Variants in DCAF12 observed in about 807,000 individuals in gnomAD.
The protein encoded by DCAF12 is DDB1 and CUL4 associated factor 12, also known as DDB1- and CUL4-associated factor 12.
DCAF12 carries 28 observed loss-of-function variants against 52.8 expected under a neutral mutation model. The ratio of observed to expected loss-of-function variants is 0.53; its 90% CI spans 0.39 to 0.73. DCAF12 has a LOEUF of 0.73. Among genes scored for constraint, DCAF12 ranks in the 30% least tolerant of loss-of-function variants. DCAF12 has a pLI of 0.00. For missense variants in DCAF12, 425 were observed against 552.2 expected, an observed-to-expected ratio of 0.77 and a Z score of 2.31; for synonymous variants, 196 against 215.5, an observed-to-expected ratio of 0.91 and a Z score of 0.79.
intron 5 of DCAF12, among the ~76,000 whole-genome samples, chr9:34,097,033 C>T (rs1245883206): frequency 8.5e-5 from 13 of 152,050 alleles, no homozygotes; most frequent in Admixed American, 7.9e-4. Context: ...ACTCCCTCAA[C>T]GTCCTGTTGG....
intron 2 of DCAF12, among the ~76,000 whole-genome samples, chr9:34,116,901 C>T (rs961741493): frequency 6.6e-6 from 1 of 152,152 alleles, no homozygotes; most frequent in African/African-American, 2.4e-5. Flanking sequence ...ATCGCTTGAA[C>T]CCAAGAGGCG....
chr9:34,098,281 A>T, intron 5 of DCAF12, 43 bp downstream of exon 5: 1 of 1,586,008 alleles, frequency 6.3e-7, no homozygotes, highest in Non-Finnish European at 8.6e-7. Flanking sequence ...CCAAGACATA[A>T]GCAAGAGGAA....
chr9:34,100,847 A>C (rs1242106202), intron 4 of DCAF12, among the ~76,000 whole-genome samples: 1 of 151,196 alleles, frequency 6.6e-6, no homozygotes, highest in Non-Finnish European at 1.5e-5. Flanking sequence ...ATTTGTTGCC[A>C]AGGCTAGTCT....
chr9:34,125,161 T>C lies in DCAF12; in HGVS notation c.195A>G (p.Arg65=). The C allele has an allele frequency of 1.2e-6, 2 of 1,614,184 alleles. No individual in the cohort carries two copies. The highest frequency in any genetic ancestry group is 2.2e-5 in the East Asian group (1 of 44,890). The change falls in exon 2 of 9, where the codon CGA becomes CGG. Residue 65 remains arginine, a synonymous_variant. Transcript: ENST00000361264. Reference sequence around the variant, plus strand: ...GCTGTGCTGCATAACCATGCAACACTCGAGAGTAGCTGGTTTCATTCTGTA... The same window carrying C: ...GCTGTGCTGCATAACCATGCAACACCCGAGAGTAGCTGGTTTCATTCTGTA... ...VRLQNETSYS[R]VLHGYAAQQL...
chr9:34,123,981 T>C (rs548575617), intron 2 of DCAF12, among the ~76,000 whole-genome samples: 1 of 152,318 alleles, frequency 6.6e-6, no homozygotes, highest in Admixed American at 6.5e-5. Context: ...ACCATGGTAT[T>C]ATTTCCTTCC....
At chr9:34,110,016 T>TAATA (rs1376755415) in intron 2 of DCAF12, 1 of 147,976 alleles carries the variant, frequency 6.8e-6, no homozygotes, top group Non-Finnish European at 1.5e-5. Flanking sequence ...TATGTATATA[T>TAATA]AATATGTACT....
At chr9:34,095,099 A>G (rs1049934997) in intron 6 of DCAF12, among the ~76,000 whole-genome samples, 1 of 150,924 alleles carries the variant, frequency 6.6e-6, no homozygotes, top group African/African-American at 2.4e-5. Context: ...TTTTTGAGAG[A>G]GAGTCTTGCT....
At chr9:34,100,955 G>T (rs1828818984) in intron 4 of DCAF12, among the ~76,000 whole-genome samples, 1 of 150,724 alleles carries the variant, frequency 6.6e-6, no homozygotes, top group Non-Finnish European at 1.5e-5. Flanking sequence ...TCTTTTTCTA[G>T]AAAATTACAC....
In DCAF12 at chr9:34,111,252, G is replaced by A. The variant is rs183182665; in HGVS notation, c.334-3687C>T. Among the ~76,000 whole-genome samples, 329 of 152,086 alleles carry A rather than the reference G, an allele frequency of 2.2e-3. 1 individual carries two copies. Among genetic ancestry groups the A allele is most frequent in the Non-Finnish European group, 3.8e-3 (258 of 67,980 alleles). ...ACCTGCCTCAGCCTCCCAAAGTGCC[G>A]GCATTACAGGTGTGAGCCACCGCAC... On this transcript the variant is annotated intron_variant, in intron 2 of 8. Coordinates refer to ENST00000361264, the MANE Select transcript of DCAF12 (RefSeq NM_015397.4).
In DCAF12 at chr9:34,097,875, T is replaced by C. The variant is rs139959028; in HGVS notation, c.795+449A>G. On this transcript the variant is annotated intron_variant, in intron 5 of 8. Transcript: ENST00000361264. Reference sequence around the variant, plus strand: ...TTGAACCTGGAAGGTGGAGGTTGCTTTGAGCTGAGATCGTGCCATTGCACT... The same window carrying C: ...TTGAACCTGGAAGGTGGAGGTTGCTCTGAGCTGAGATCGTGCCATTGCACT... Among the ~76,000 whole-genome samples the C allele has an allele frequency of 1.9e-3, 295 of 151,574 alleles. 1 individual carries two copies. Among genetic ancestry groups the C allele is most frequent in the Middle Eastern group, 0.014 (4 of 294 alleles).
At chr9:34,106,356 T>C in intron 4 of DCAF12, 78 bp downstream of exon 4, 2 of 1,291,588 alleles carry the variant, frequency 1.5e-6, no homozygotes, top group South Asian at 2.6e-5. Flanking sequence ...CTGTTTCCTA[T>C]CACACTACTA....
rs16935392 is a variant in DCAF12, at chr9:34,093,276, G to A, written c.1024+10C>T. The A allele has an allele frequency of 6.2e-7, 1 of 1,613,944 alleles. No homozygotes were observed. Among genetic ancestry groups the A allele is most frequent in the Middle Eastern group, 1.7e-4 (1 of 6,034 alleles). ...AGCTGTAGGCCTGAGGTGCACACAG[G>A]GACTCTTACCACTGCCTCGCTCCCT... is the stretch of plus-strand genomic sequence containing the variant. On this transcript the variant is annotated intron_variant, in intron 7 of 8. Coordinates refer to ENST00000361264, the MANE Select transcript of DCAF12 (RefSeq NM_015397.4).
rs776387996 is a variant in DCAF12 at position 34,093,451 on chromosome 9, G to A, written c.862-3C>T. ...TATGGCAGTTTGGTGGAGAGGAGCTGAAAATAGAGGAGAGATATAACCATG... is the reference window on the plus strand; with the variant it reads ...TATGGCAGTTTGGTGGAGAGGAGCTAAAAATAGAGGAGAGATATAACCATG... On this transcript the variant is annotated splice_polypyrimidine_tract_variant and splice_region_variant and intron_variant, in intron 6 of 8. Transcript: ENST00000361264. 1.2e-6 allele frequency: 2 copies of A among 1,613,922 alleles called. No individual in the cohort carries two copies. Among genetic ancestry groups the A allele is most frequent in the South Asian group, 2.2e-5 (2 of 91,068 alleles).
intron 2 of DCAF12, among the ~76,000 whole-genome samples, chr9:34,123,158 T>C (rs1200809262): frequency 6.6e-6 from 1 of 152,234 alleles, no homozygotes; most frequent in Non-Finnish European, 1.5e-5. Context: ...CCTAGTTTGA[T>C]TGTTAGCCCA....
At chr9:34,094,730 C>A (rs991067824) in intron 6 of DCAF12, among the ~76,000 whole-genome samples, 38 of 151,734 alleles carry the variant, frequency 2.5e-4, no homozygotes, top group Non-Finnish European at 4.4e-4. Context: ...CGGGGTTTCA[C>A]CATGTTAGCC....
At chr9:34,103,082 G>A (rs1482945509) in intron 4 of DCAF12, among the ~76,000 whole-genome samples, 2 of 118,334 alleles carry the variant, frequency 1.7e-5, no homozygotes, top group African/African-American at 3.4e-5. Flanking sequence ...GTGACAGGGC[G>A]AGACCTTAAC....
intron 7 of DCAF12, 147 bp from the exon 8 acceptor site, chr9:34,089,737 A>G: frequency 1.5e-6 from 1 of 679,404 alleles, no homozygotes; most frequent in East Asian, 3.0e-5. Context: ...TGTTTTCCCA[A>G]TGGCAAGTTA....
intron 2 of DCAF12, among the ~76,000 whole-genome samples, chr9:34,114,763 G>T (rs190437813): frequency 6.6e-6 from 1 of 152,218 alleles, no homozygotes; most frequent in East Asian, 1.9e-4. Context: ...GCATTCATGT[G>T]TATCTAGACA....
intron 5 of DCAF12, among the ~76,000 whole-genome samples, chr9:34,097,415 T>C (rs1828752397): frequency 6.6e-6 from 1 of 151,888 alleles, no homozygotes; most frequent in African/African-American, 2.4e-5. Flanking sequence ...CCACCATGCC[T>C]GGCTAATTTT....
Sources: gnomAD v4.1 joint callset for allele counts (sites outside exome capture counted in the v4.1 genomes callset) on GRCh38, gnomAD v4.1.1 for gene constraint, MANE v1.5 for transcripts, NCBI Gene and HGNC (gene_info 2026-07-23, HGNC 2026-07-21) for gene names.